Variants in ADCY1 observed in about 807,000 individuals in gnomAD.
The protein encoded by ADCY1 is adenylate cyclase type 1.
Under a neutral mutation model 105.4 loss-of-function variants are expected in ADCY1, and 28 were observed. That is an observed-to-expected ratio of 0.27 (90% CI 0.20 to 0.36). The LOEUF (loss-of-function observed/expected upper bound fraction) is 0.36. Ranked by LOEUF, ADCY1 falls within the 10% of genes least tolerant of loss-of-function variation. The pLI is 1.00. For missense variants in ADCY1, 977 were observed against 1,434.2 expected (o/e 0.68, Z 5.15); for synonymous variants, 655 against 623.8 (o/e 1.05, Z -0.75).
At chr7:45,659,187 C>G (rs1235022413) in intron 6 of ADCY1, among the ~76,000 whole-genome samples, 2 of 152,244 alleles carry the variant, frequency 1.3e-5, no homozygotes, top group African/African-American at 4.8e-5. Context: ...GAGCCCTGTC[C>G]TCACCCTCTC....
At chr7:45,609,440 C>A (rs139043950) in intron 2 of ADCY1, among the ~76,000 whole-genome samples, 2 of 152,306 alleles carry the variant, frequency 1.3e-5, no homozygotes, top group African/African-American at 4.8e-5. Flanking sequence ...CAGGCCGCTG[C>A]GGAGGGGCTT....
In ADCY1 at chr7:45,579,954, TC is replaced by T. The variant is rs1415532596; in HGVS notation, c.639+4777del. Reference sequence around the variant, plus strand: ...CCTGGAAACTGCCCCGTCCCCCCCTTCCCCCTTCCCCCCTCGCCCCCATTTT... The same window carrying T: ...CCTGGAAACTGCCCCGTCCCCCCCTTCCCCTTCCCCCCTCGCCCCCATTTT... On this transcript the variant is annotated intron_variant, in intron 1 of 19. Transcript: ENST00000297323. Among the ~76,000 whole-genome samples the T allele has an allele frequency of 7.7e-3, 268 of 34,652 alleles. 1 individual carries two copies. Among genetic ancestry groups the T allele is most frequent in the African/African-American group, 0.027 (240 of 8,798 alleles). The allele number at this position is 34,652 out of a possible 152,430, so 22.7% of individuals were successfully genotyped here.
chr7:45,577,634 A>G (rs997775072), intron 1 of ADCY1, among the ~76,000 whole-genome samples: 4 of 152,240 alleles, frequency 2.6e-5, no homozygotes, highest in African/African-American at 4.8e-5. Context: ...TTGGGCAGGT[A>G]GTAGCCATGC....
chr7:45,700,728 C>A (rs1355121912), intron 14 of ADCY1, among the ~76,000 whole-genome samples: 2 of 152,338 alleles, frequency 1.3e-5, no homozygotes, highest in South Asian at 2.1e-4. Flanking sequence ...GGGGACATCA[C>A]TTCTGAGACA....
chr7:45,617,393 A>G (rs1306221400), intron 3 of ADCY1, among the ~76,000 whole-genome samples: 1 of 152,236 alleles, frequency 6.6e-6, no homozygotes, highest in Non-Finnish European at 1.5e-5. Flanking sequence ...CTAGGCATGG[A>G]CTGCCTAGGT....
rs1420887387 is a variant in ADCY1 at position 45,621,103 on chromosome 7, G to A, written c.909-1529G>A. Among the ~76,000 whole-genome samples, 4 of 152,134 alleles carry A rather than the reference G, an allele frequency of 2.6e-5. No homozygotes were observed. In the East Asian group the frequency reaches 5.8e-4, roughly 22 times the overall value. Reference sequence around the variant, plus strand: ...TTTTTTTGAGACGGGGTTCCACTGTGTCTCCCAGGCTGGAGTGCAGTGGCA... The same window carrying A: ...TTTTTTTGAGACGGGGTTCCACTGTATCTCCCAGGCTGGAGTGCAGTGGCA... On this transcript the variant is annotated intron_variant, in intron 3 of 19. Coordinates refer to ENST00000297323, the MANE Select transcript of ADCY1 (RefSeq NM_021116.4).
At chr7:45,701,347 G>A (rs1228303390) in intron 14 of ADCY1, among the ~76,000 whole-genome samples, 1 of 152,162 alleles carries the variant, frequency 6.6e-6, no homozygotes, top group Non-Finnish European at 1.5e-5. Context: ...GATGATTTGG[G>A]AAGGACAGCA....
At chr7:45,698,248 C>T (rs904443535) in intron 14 of ADCY1, among the ~76,000 whole-genome samples, 2 of 152,094 alleles carry the variant, frequency 1.3e-5, no homozygotes, top group Non-Finnish European at 2.9e-5. Flanking sequence ...ATGCCTGCAT[C>T]CACACATTGT....
chr7:45,684,925 G>A (rs754004897), intron 11 of ADCY1, 54 bp from the exon 12 acceptor site: 25 of 1,512,550 alleles, frequency 1.7e-5, no homozygotes, highest in East Asian at 6.8e-5. Context: ...AACTGTGCAC[G>A]TGAATCACCT....
chr7:45,685,550 G>A (rs372604840), intron 12 of ADCY1, among the ~76,000 whole-genome samples: 4 of 151,068 alleles, frequency 2.6e-5, no homozygotes, highest in Admixed American at 6.6e-5. Context: ...GGAACAGGAC[G>A]GAGCTAGGGG....
intron 3 of ADCY1, among the ~76,000 whole-genome samples, chr7:45,619,841 T>C (rs558765285): frequency 6.6e-6 from 1 of 152,340 alleles, no homozygotes; most frequent in East Asian, 1.9e-4. Context: ...CCATACTGTA[T>C]TGTATGTTTG....
At chr7:45,612,043 G>A (rs905487032) in intron 3 of ADCY1, among the ~76,000 whole-genome samples, 2 of 152,198 alleles carry the variant, frequency 1.3e-5, no homozygotes, top group African/African-American at 4.8e-5. Flanking sequence ...AAGCCAGTAT[G>A]GCTAATTGCT....
intron 17 of ADCY1, among the ~76,000 whole-genome samples, chr7:45,707,307 G>A (rs1361730744): frequency 2.0e-5 from 3 of 152,194 alleles, no homozygotes; most frequent in Admixed American, 2.0e-4. Flanking sequence ...TAGGTGAATG[G>A]ATAAAGAAAT....
At position 45,575,276 on chromosome 7, in the gene ADCY1, G is replaced by A. The variant is rs73318930; in HGVS notation, c.639+94G>A. ...GAGTCGGGCGCGCTTTTTCCTATGC[G>A]GCGGGTGGGGACACTGAGGCTCCGA... On this transcript the variant is annotated intron_variant, in intron 1 of 19. Transcript: ENST00000297323. The surrounding 1 kb of genome is among the most constrained non-coding windows in gnomAD (Gnocchi z 4.7). 0.027 allele frequency: 38,717 copies of A among 1,447,518 alleles called. 558 individuals carry two copies. Among genetic ancestry groups the A allele is most frequent in the African/African-American group, 0.031 (2,186 of 70,426 alleles). 89.7% of individuals were successfully genotyped at this position (1,447,518 alleles called of 1,614,324 possible).
chr7:45,610,253 A>C, intron 2 of ADCY1, 126 bp from the exon 3 acceptor site: 1 of 757,260 alleles, frequency 1.3e-6, no homozygotes, highest in Non-Finnish European at 2.2e-6. Context: ...GTTCAGTGGC[A>C]GTCCAGCCCT....
At chr7:45,593,505 G>A (rs962876993) in intron 2 of ADCY1, among the ~76,000 whole-genome samples, 7 of 152,168 alleles carry the variant, frequency 4.6e-5, no homozygotes, top group African/African-American at 7.2e-5. Context: ...GGTTCCCACC[G>A]CCCTCTATGA....
intron 2 of ADCY1, among the ~76,000 whole-genome samples, chr7:45,603,638 G>A (rs1055271430): frequency 2.6e-5 from 4 of 152,160 alleles, no homozygotes; most frequent in African/African-American, 9.7e-5. Context: ...GGACAGCCAA[G>A]ATATGGAACA....
At chr7:45,623,493 A>G (rs924580142) in intron 4 of ADCY1, among the ~76,000 whole-genome samples, 1 of 152,144 alleles carries the variant, frequency 6.6e-6, no homozygotes, top group Non-Finnish European at 1.5e-5. Flanking sequence ...CTGTGTTTAG[A>G]GATAGGACAT....
intron 11 of ADCY1, among the ~76,000 whole-genome samples, chr7:45,684,095 G>A (rs372211363): frequency 6.6e-6 from 1 of 152,250 alleles, no homozygotes; most frequent in Non-Finnish European, 1.5e-5. Context: ...GCCTCACACC[G>A]CTGCAGAGCA....
Sources: gnomAD v4.1 joint callset for allele counts (sites outside exome capture counted in the v4.1 genomes callset) on GRCh38, gnomAD v4.1.1 for gene constraint, Gnocchi (gnomAD v3.1) non-coding constraint, MANE v1.5 for transcripts, NCBI Gene and HGNC (gene_info 2026-07-23, HGNC 2026-07-21) for gene names.